The following PIN4 variants were observed in gnomAD, a reference collection of about 807,000 sequenced individuals.
The protein encoded by PIN4 is peptidyl-prolyl cis-trans isomerase NIMA-interacting 4.
PIN4 carries 3 observed loss-of-function variants against 8.3 expected under a neutral mutation model. That is an observed-to-expected ratio of 0.36 (90% CI 0.16 to 0.93). PIN4 has a LOEUF of 0.93. Among genes scored for constraint, PIN4 ranks in the 40% least tolerant of loss-of-function variants. PIN4 has a pLI of 0.44. For missense variants in PIN4, 75 were observed against 100.6 expected, an observed-to-expected ratio of 0.75 and a Z score of 1.09; for synonymous variants, 18 against 32.5, an observed-to-expected ratio of 0.55 and a Z score of 1.52.
chrX:72,260,675 C>T (rs1296764298), intron 3 of PIN4, among the ~76,000 whole-genome samples: 1 of 111,830 alleles, frequency 8.9e-6, no homozygotes, highest in Non-Finnish European at 1.9e-5. Flanking sequence ...TGTCTCTCCC[C>T]GGACCTCTTC....
intron 2 of PIN4, among the ~76,000 whole-genome samples, chrX:72,190,152 A>G (rs1374634022): frequency 9.0e-6 from 1 of 110,730 alleles, no homozygotes; most frequent in Non-Finnish European, 1.9e-5. Flanking sequence ...TTGTTTTCCT[A>G]TCCCCTGCAC....
At chrX:72,251,975 C>A (rs1435056997) in intron 3 of PIN4, among the ~76,000 whole-genome samples, 2 of 111,152 alleles carry the variant, frequency 1.8e-5, no homozygotes, top group African/African-American at 6.5e-5. Flanking sequence ...AACAAACGAA[C>A]ATTTATTTCT....
At chrX:72,183,247 T>G (rs2042682776) in intron 1 of PIN4, among the ~76,000 whole-genome samples, 1 of 111,541 alleles carries the variant, frequency 9.0e-6, no homozygotes, top group African/African-American at 3.3e-5. Flanking sequence ...CTTTGAGGTG[T>G]CTGTGGGACA....
Position 72,197,499 on chromosome X carries a change from T to A in PIN4, c.369T>A (p.His123Gln). ...CGGTTAAGACAAAATTTGGATATCA[T>A]ATTATTATGGTCGAAGGAAGAAAAT... ...DPPVKTKFGY[H>Q]IIMVEGRK The change falls in exon 4 of 4, where the codon CAT becomes CAA. Residue 123 changes from histidine (H) to glutamine (Q), a missense_variant. Coordinates refer to ENST00000373669, the MANE Select transcript of PIN4 (RefSeq NM_006223.4). The A allele has an allele frequency of 8.3e-7, 1 of 1,204,428 alleles. No homozygotes were observed. Among genetic ancestry groups the A allele is most frequent in the East Asian group, 3.0e-5 (1 of 33,825 alleles).
intron 3 of PIN4, chrX:72,206,693 C>G: frequency 9.1e-6 from 11 of 1,211,334 alleles, no homozygotes; most frequent in Non-Finnish European, 1.2e-5. Context: ...TGAGATTCTT[C>G]TACCACATCA....
chrX:72,207,315 T>C (rs759554474), intron 3 of PIN4: 92 of 1,209,665 alleles, frequency 7.6e-5, no homozygotes, highest in South Asian at 2.1e-4. Flanking sequence ...TTTGCCTCGA[T>C]TGAGAAAACA....
chrX:72,199,609 C>T (rs1356843287), downstream of PIN4, among the ~76,000 whole-genome samples: 1 of 112,337 alleles, frequency 8.9e-6, no homozygotes. Flanking sequence ...GCTGTATAGG[C>T]ATGAGACACT....
At chrX:72,252,831 A>T (rs756004851) in intron 3 of PIN4, among the ~76,000 whole-genome samples, 1 of 112,020 alleles carries the variant, frequency 8.9e-6, no homozygotes, top group Non-Finnish European at 1.9e-5. Context: ...GCAGGGACAC[A>T]ACGCATGGTT....
intron 3 of PIN4, among the ~76,000 whole-genome samples, chrX:72,259,541 G>A (rs1027655103): frequency 9.2e-6 from 1 of 108,688 alleles, no homozygotes; most frequent in African/African-American, 3.4e-5. Flanking sequence ...ATTAATAGTC[G>A]CCAGGGAGTG....
At chrX:72,259,252 C>T (rs1337310845) in intron 3 of PIN4, among the ~76,000 whole-genome samples, 1 of 97,551 alleles carries the variant, frequency 1.0e-5, no homozygotes, top group African/African-American at 3.9e-5. Context: ...GAGTTTCGCT[C>T]TTGTTGCCCA....
chrX:72,185,151 A>AAAAAAAAC, intron 1 of PIN4, among the ~76,000 whole-genome samples: 1 of 102,664 alleles, frequency 9.7e-6, no homozygotes, highest in African/African-American at 3.5e-5. Flanking sequence ...CCGTCTCAAA[A>AAAAAAAAC]AAAAAAAAAA....
intron 3 of PIN4, chrX:72,206,462 T>G: frequency 3.3e-6 from 4 of 1,211,207 alleles, no homozygotes; most frequent in Non-Finnish European, 4.5e-6. Context: ...ATTTTGGAAC[T>G]GATATCTTCT....
chrX:72,202,646 G>C (rs1380863454), downstream of PIN4, among the ~76,000 whole-genome samples: 1 of 111,553 alleles, frequency 9.0e-6, no homozygotes, highest in Non-Finnish European at 1.9e-5. Flanking sequence ...TTCACAGTTA[G>C]TTACACCAGT....
At chrX:72,205,573 T>C in intron 3 of PIN4, 1 of 1,211,471 alleles carries the variant, frequency 8.3e-7, no homozygotes, top group Non-Finnish European at 1.1e-6. Flanking sequence ...GATGTCATTT[T>C]TGGGAGTTGA....
chrX:72,195,552 G>T (rs1191290496), intron 2 of PIN4, among the ~76,000 whole-genome samples: 1 of 110,803 alleles, frequency 9.0e-6, no homozygotes, highest in East Asian at 2.8e-4. Context: ...TGAGGCAGGA[G>T]AATTGCTTGA....
At chrX:72,204,780 CAGTT>C in intron 3 of PIN4, 1 of 248,210 alleles carries the variant, frequency 4.0e-6, no homozygotes, top group Non-Finnish European at 7.1e-6. Context: ...AGAAACAACA[CAGTT>C]AAATTTATAG....
intron 3 of PIN4, among the ~76,000 whole-genome samples, chrX:72,223,159 AC>A (rs2042934530): frequency 1.1e-5 from 1 of 94,206 alleles, no homozygotes; most frequent in Non-Finnish European, 2.1e-5. Context: ...ACATGGTGAA[AC>A]CCCGTCTCTA....
intron 2 of PIN4, among the ~76,000 whole-genome samples, chrX:72,191,701 A>C (rs1190622740): frequency 2.7e-5 from 3 of 112,315 alleles, no homozygotes. Flanking sequence ...TTATTATTTT[A>C]ACAAGAAAGT....
In PIN4 at chrX:72,203,874, G is replaced by A. The variant is rs150851964; in HGVS notation, c.312+6970G>A. On this transcript the variant is annotated intron_variant, in intron 3 of 3. Transcript: ENST00000423432. ...CACTTCTCTGGTGACAGAGTGCAGCGTGCTATACTGCAGTTTATCTTTCTG... is the reference window on the plus strand; with the variant it reads ...CACTTCTCTGGTGACAGAGTGCAGCATGCTATACTGCAGTTTATCTTTCTG... 4.2e-3 allele frequency among the ~76,000 whole-genome samples: 476 copies of A among 112,033 alleles called. 2 individuals are homozygous for A. The highest frequency in any genetic ancestry group is 0.014 in the African/African-American group (434 of 30,877).
Sources: allele counts gnomAD v4.1 joint callset (sites outside exome capture counted in the v4.1 genomes callset), GRCh38; gene constraint gnomAD v4.1.1; transcripts MANE v1.5; gene names NCBI Gene and HGNC (gene_info 2026-07-23, HGNC 2026-07-21).